The following AIF1L variants were observed in gnomAD, a reference collection of about 807,000 sequenced individuals.
AIF1L encodes allograft inflammatory factor 1 like, also known as allograft inflammatory factor 1-like.
In AIF1L, 12 loss-of-function variants were observed where a neutral mutation model predicts 20.7. That is an observed-to-expected ratio of 0.58 (90% confidence interval 0.37 to 0.94). AIF1L has a LOEUF of 0.94. AIF1L is among the 40% of genes least tolerant of loss of function. The probability of loss-of-function intolerance (pLI) is 0.01; values close to 1 mark genes in which losing one functional copy is unlikely to be tolerated. For missense variants in AIF1L, 173 were observed against 185.3 expected, an observed-to-expected ratio of 0.93 and a Z score of 0.39; for synonymous variants, 76 against 65.1, an observed-to-expected ratio of 1.17 and a Z score of -0.81.
rs536561486 is a variant in AIF1L at position 131,117,899 on chromosome 9, C to T, written c.346C>T (p.Arg116Trp). 9 of 1,610,826 alleles carry T rather than the reference C, an allele frequency of 5.6e-6. No homozygotes were observed. The highest frequency in any genetic ancestry group is 2.2e-5 in the East Asian group (1 of 44,850). The change falls in exon 5 of 6, where the codon CGG becomes TGG. Residue 116 changes from arginine to tryptophan, a missense_variant. Coordinates refer to ENST00000247291, the MANE Select transcript of AIF1L (RefSeq NM_031426.4). The stretch of plus-strand genomic sequence containing the variant: ...CTTTGTGAACATGATGCTGGGGAAA[C>T]GGTCGGCTGTCCTCAAGTTGTGAGT... ...RDFVNMMLGK[R>W]SAVLKLVMMF...
intron 5 of AIF1L, among the ~76,000 whole-genome samples, chr9:131,118,707 C>T (rs1167730793): frequency 6.6e-6 from 1 of 151,674 alleles, no homozygotes; most frequent in Non-Finnish European, 1.5e-5. Flanking sequence ...CCACCACACC[C>T]AACTAATTTT....
chr9:131,103,344 G>C (rs918273124), intron 2 of AIF1L, among the ~76,000 whole-genome samples: 1 of 152,220 alleles, frequency 6.6e-6, no homozygotes, highest in Non-Finnish European at 1.5e-5. Flanking sequence ...GGACTTCAGG[G>C]CATCACGGAG....
chr9:131,108,200 CTTT>C (rs34881697), intron 2 of AIF1L: 12,282 of 115,156 alleles, frequency 0.11, 666 homozygotes, highest in East Asian at 0.26. Flanking sequence ...GTCTGTGAAC[CTTT>C]TTTTTTTTTT....
At chr9:131,098,658 T>C (rs1357193097) in intron 2 of AIF1L, among the ~76,000 whole-genome samples, 1 of 152,040 alleles carries the variant, frequency 6.6e-6, no homozygotes, top group Non-Finnish European at 1.5e-5. Context: ...CAGGGTTGTT[T>C]TGGGAAACCG....
intron 4 of AIF1L, among the ~76,000 whole-genome samples, chr9:131,116,556 G>A (rs954955457): frequency 1.3e-5 from 2 of 152,204 alleles, no homozygotes; most frequent in South Asian, 2.1e-4. Context: ...GAGCCATGGC[G>A]CCAGCTGATT....
chr9:131,106,791 C>T (rs1226944351), intron 2 of AIF1L, among the ~76,000 whole-genome samples: 2 of 112,130 alleles, frequency 1.8e-5, no homozygotes, highest in Non-Finnish European at 3.7e-5. Flanking sequence ...TGACATTCGG[C>T]CGCATTGAGA....
chr9:131,099,308 G>T (rs1220594061), intron 2 of AIF1L, among the ~76,000 whole-genome samples: 1 of 152,210 alleles, frequency 6.6e-6, no homozygotes, highest in African/African-American at 2.4e-5. Context: ...CCCCTCTGGA[G>T]TCCCTGCAAC....
chr9:131,118,671 C>T (rs747138155), intron 5 of AIF1L, among the ~76,000 whole-genome samples: 5 of 151,850 alleles, frequency 3.3e-5, no homozygotes, highest in African/African-American at 4.8e-5. Flanking sequence ...CTCAGCCTCC[C>T]GAGTAGCCAG....
intron 2 of AIF1L, chr9:131,103,112 A>C: frequency 2.5e-6 from 1 of 397,194 alleles, no homozygotes; most frequent in Non-Finnish European, 5.1e-6. Context: ...TGGGCATAGC[A>C]CTTGGGGGCC....
At chr9:131,111,981 C>CG (rs1173070662) in intron 3 of AIF1L, 1 of 376,588 alleles carries the variant, frequency 2.7e-6, no homozygotes, top group East Asian at 5.4e-5. Context: ...CCGTCACTCC[C>CG]GGGCCCCGCA....
chr9:131,101,856 C>T (rs1414626955), intron 2 of AIF1L, among the ~76,000 whole-genome samples: 1 of 152,102 alleles, frequency 6.6e-6, no homozygotes, highest in Non-Finnish European at 1.5e-5. Context: ...CCTCCTGGGT[C>T]GAATGAAGGG....
At chr9:131,119,501 CAAAA>C (rs1831088619) in intron 5 of AIF1L, among the ~76,000 whole-genome samples, 3 of 28,780 alleles carry the variant, frequency 1.0e-4, no homozygotes, top group Non-Finnish European at 1.5e-4. Flanking sequence ...AACTCTGTCT[CAAAA>C]GAAAAAAAAA....
chr9:131,110,874 G>C (rs1588184788), intron 2 of AIF1L, among the ~76,000 whole-genome samples: 1 of 151,944 alleles, frequency 6.6e-6, no homozygotes, highest in East Asian at 1.9e-4. Context: ...ATAGAAGTGT[G>C]GGGAGGGCCG....
intron 4 of AIF1L, 103 bp from the exon 5 acceptor site, chr9:131,117,653 G>A (rs891431333): frequency 6.2e-6 from 8 of 1,291,938 alleles, no homozygotes; most frequent in South Asian, 3.1e-5. Context: ...GAGTGCAGAC[G>A]CCAAGTTTCT....
At chr9:131,114,646 G>A (rs1297190354) in intron 4 of AIF1L, 28 bp downstream of exon 4, 1 of 1,613,840 alleles carries the variant, frequency 6.2e-7, no homozygotes, top group Middle Eastern at 1.7e-4. Context: ...TGTGTTTAGG[G>A]AGGAGGGTGT....
chr9:131,108,276 G>A (rs531379926), intron 2 of AIF1L: 12 of 141,390 alleles, frequency 8.5e-5, no homozygotes, highest in Admixed American at 1.6e-4. Flanking sequence ...CTCGGCTCCC[G>A]GCAACCTCCA....
intron 2 of AIF1L, 88 bp downstream of exon 2, chr9:131,096,951 C>G: frequency 7.4e-7 from 1 of 1,348,470 alleles, no homozygotes; most frequent in Admixed American, 3.2e-5. Context: ...GTGCCCGCCT[C>G]CAGATCTACC....
Position 131,096,783 on chromosome 9 carries a change from G to T in AIF1L, c.32-19G>T. 1 of 1,519,798 alleles carries T rather than the reference G, an allele frequency of 6.6e-7. No homozygotes were observed. Among genetic ancestry groups the T allele is most frequent in the Non-Finnish European group, 8.8e-7 (1 of 1,136,986 alleles). The allele number at this position is 1,519,798 out of a possible 1,614,324, so 94.1% of individuals were successfully genotyped here. ...CGAAGAGGACCCCGCTTCCCAGGCC[G>T]CCTCTTTGTCTCCTCCAGGAGGGAA... On this transcript the variant is annotated intron_variant, in intron 1 of 5. Transcript: ENST00000247291.
At chr9:131,099,883 C>A (rs190282590) in intron 2 of AIF1L, among the ~76,000 whole-genome samples, 1 of 151,928 alleles carries the variant, frequency 6.6e-6, no homozygotes, top group East Asian at 1.9e-4. Flanking sequence ...CTTGCCACCA[C>A]GCCCAGCTAA....
Sources: allele counts gnomAD v4.1 joint callset (sites outside exome capture counted in the v4.1 genomes callset), GRCh38; gene constraint gnomAD v4.1.1; transcripts MANE v1.5; gene names NCBI Gene and HGNC (gene_info 2026-07-23, HGNC 2026-07-21).